Variants in HSF1 observed in about 807,000 individuals in gnomAD.
The protein encoded by HSF1 is heat shock factor protein 1.
Under a neutral mutation model 51.7 loss-of-function variants are expected in HSF1, and 32 were observed. That is an observed-to-expected ratio of 0.62 (90% confidence interval 0.47 to 0.83). The LOEUF is 0.83. Ranked by LOEUF, HSF1 falls within the 40% of genes least tolerant of loss-of-function variation. HSF1 has a pLI of 0.00. For missense variants in HSF1, 727 were observed against 717.0 expected (o/e 1.01, Z -0.16); for synonymous variants, 396 against 309.7 (o/e 1.28, Z -2.92).
chr8:144,292,546 G>C (rs1329835054), intron 1 of HSF1: 1 of 152,292 alleles, frequency 6.6e-6, no homozygotes, highest in Non-Finnish European at 1.5e-5. Context: ...CCGGTTTGCA[G>C]AAGTAAATCA....
chr8:144,312,574 TC>T (rs2130455021), intron 9 of HSF1: 1 of 1,446,378 alleles, frequency 6.9e-7, no homozygotes, highest in East Asian at 2.5e-5. Flanking sequence ...AGGGCCGGCC[TC>T]CACACCCCCA....
chr8:144,298,860 A>G (rs1296280190), intron 1 of HSF1, among the ~76,000 whole-genome samples: 1 of 152,254 alleles, frequency 6.6e-6, no homozygotes, highest in African/African-American at 2.4e-5. Flanking sequence ...TGGTGCACAC[A>G]GTGAAACCTC....
chr8:144,296,340 G>A (rs1815455462), intron 1 of HSF1, among the ~76,000 whole-genome samples: 1 of 152,230 alleles, frequency 6.6e-6, no homozygotes, highest in Non-Finnish European at 1.5e-5. Flanking sequence ...CCCTGGTTCT[G>A]AGAGCCGCCA....
intron 1 of HSF1, among the ~76,000 whole-genome samples, chr8:144,304,868 A>C (rs1554843017): frequency 6.9e-6 from 1 of 144,614 alleles, no homozygotes; most frequent in Non-Finnish European, 1.5e-5. Context: ...GGAACTCCTG[A>C]CCTCAAACGA....
chr8:144,306,873 T>A (rs1554843401), intron 1 of HSF1, among the ~76,000 whole-genome samples: 1 of 152,240 alleles, frequency 6.6e-6, no homozygotes, highest in African/African-American at 2.4e-5. Context: ...GCAGAAATGT[T>A]CTTGAATGCC....
rs1206813299 is a variant in HSF1, at chr8:144,311,588, C to T, written c.710C>T (p.Ser237Leu). ...TTCTCCCTGGAGCACGTCCACGGCT[C>T]GGGCCCCTACTCGGTGAGTGCCGGA... Reference protein sequence around the residue: ...RQFSLEHVHGSGPYSAPSPAY... With the variant: ...RQFSLEHVHGLGPYSAPSPAY... Residue 237 changes from serine to leucine, a missense_variant, in exon 7 of 13, where the codon TCG becomes TTG. This residue lies in a region of HSF1 where 257 missense variants were observed against 318.3 expected (regional missense o/e 0.81). Coordinates refer to ENST00000528838, the MANE Select transcript of HSF1 (RefSeq NM_005526.4). 8.7e-6 allele frequency: 14 copies of T among 1,613,508 alleles called. No individual in the cohort carries two copies. Among genetic ancestry groups the T allele is most frequent in the South Asian group, 1.1e-5 (1 of 91,080 alleles).
At chr8:144,312,948 G>A (rs1816788726) in intron 9 of HSF1, 3 of 578,186 alleles carry the variant, frequency 5.2e-6, no homozygotes, top group Non-Finnish European at 6.2e-6. Context: ...CACGGCCTCT[G>A]GTGTTGGCAG....
At chr8:144,309,694 C>T in intron 3 of HSF1, 78 bp from the exon 4 acceptor site, 1 of 1,593,160 alleles carries the variant, frequency 6.3e-7, no homozygotes, top group Non-Finnish European at 8.6e-7. Flanking sequence ...TCCTGAGGGA[C>T]CTGGCTGCAG....
rs1816787342 is a variant in HSF1, at chr8:144,312,924, C to A, written c.1143-587C>A. On this transcript the variant is annotated intron_variant, in intron 9 of 12. Transcript: ENST00000528838. ...CTGTGACAGGGATGACAGGGACAGG[C>A]CTCCCTGCTCTGGCACGGCCTCTGG... 6 of 591,862 alleles carry A rather than the reference C, an allele frequency of 1.0e-5. No homozygotes were observed. The South Asian group carries it at 1.2e-4, about 12-fold the overall frequency. The allele number at this position is 591,862 out of a possible 1,614,324, so 36.7% of individuals were successfully genotyped here. A position where few individuals can be genotyped will look rare whatever the true frequency, so the allele number is the denominator to read the frequency against.
rs1817103095 is a variant in HSF1 at position 144,314,603 on chromosome 8, T to C, written c.*273T>C. 3.8e-6 allele frequency: 2 copies of C among 524,016 alleles called. No individual in the cohort carries two copies. The highest frequency in any genetic ancestry group is 6.9e-6 in the Non-Finnish European group (2 of 290,528). The allele number at this position is 524,016 out of a possible 1,614,324, so 32.5% of individuals were successfully genotyped here. A position where few individuals can be genotyped will look rare whatever the true frequency, so the allele number is the denominator to read the frequency against. ...TGCAGGTTGTTCATAGTCAGAATTG[T>C]ATTTTGGATTTTTACACAACTGTCC... On this transcript the variant is annotated 3_prime_UTR_variant, in exon 13 of 13. Transcript: ENST00000528838.
At chr8:144,312,811 C>CG (rs1564624427) in intron 9 of HSF1, 4 of 1,096,820 alleles carry the variant, frequency 3.6e-6, no homozygotes, top group African/African-American at 1.6e-5. Context: ...GCATGAGCGT[C>CG]GGGCCTGGGC....
chr8:144,291,681 G>C lies in HSF1; in HGVS notation c.-77G>C. 2.8e-5 allele frequency: 24 copies of C among 843,594 alleles called. No individual in the cohort carries two copies. In the South Asian group the frequency reaches 3.4e-4, roughly 12 times the overall value. The allele number at this position is 843,594 out of a possible 1,614,324, so 52.3% of individuals were successfully genotyped here. A position where few individuals can be genotyped will look rare whatever the true frequency, so the allele number is the denominator to read the frequency against. On this transcript the variant is annotated 5_prime_UTR_variant, in exon 1 of 13. Coordinates refer to ENST00000528838, the MANE Select transcript of HSF1 (RefSeq NM_005526.4). This position sits in a 1 kb window ranked among gnomAD's most constrained non-coding sequence, Gnocchi z 4.1. ...GGGCGGCGGCGCGGCCCGGAAGGCT[G>C]GCGCGGCGACGGCGTTAGCCCGGCC...
chr8:144,296,926 G>GT (rs1815504855), intron 1 of HSF1, among the ~76,000 whole-genome samples: 1 of 111,592 alleles, frequency 9.0e-6, no homozygotes, highest in Admixed American at 1.1e-4. Context: ...GGATGGTGTG[G>GT]TGGGGGGGGT....
chr8:144,311,094 G>A (rs977893067), intron 4 of HSF1, 80 bp from the exon 5 acceptor site: 1 of 1,320,636 alleles, frequency 7.6e-7, no homozygotes, highest in East Asian at 2.5e-5. Context: ...CTGCATGGGG[G>A]ACAGGGAGGG....
At chr8:144,294,724 G>C (rs1554841001) in intron 1 of HSF1, among the ~76,000 whole-genome samples, 1 of 152,204 alleles carries the variant, frequency 6.6e-6, no homozygotes, top group African/African-American at 2.4e-5. Flanking sequence ...GGTGGGGACT[G>C]TGGCAGCTAC....
intron 1 of HSF1, among the ~76,000 whole-genome samples, chr8:144,296,679 T>C (rs1343237981): frequency 6.6e-6 from 1 of 151,788 alleles, no homozygotes; most frequent in African/African-American, 2.4e-5. Context: ...TGGTGGTGGG[T>C]GCCTGTAGTC....
Position 144,314,708 on chromosome 8 carries a change from A to G in HSF1, c.*378A>G, listed in dbSNP as rs1301414372. ...AAGACAGGCAGAGATCTATAAACAG[A>G]CAGGCTCTATGCTATGGCCTCCATG... is the stretch of plus-strand genomic sequence containing the variant. On this transcript the variant is annotated 3_prime_UTR_variant, in exon 13 of 13. Transcript: ENST00000528838. The G allele has an allele frequency of 1.6e-5, 4 of 254,058 alleles. No individual in the cohort carries two copies. Among genetic ancestry groups the G allele is most frequent in the Admixed American group, 4.8e-5 (1 of 20,964 alleles). The allele number at this position is 254,058 out of a possible 1,614,324, so 15.7% of individuals were successfully genotyped here. A position where few individuals can be genotyped will look rare whatever the true frequency, so the allele number is the denominator to read the frequency against.
chr8:144,310,287 G>C lies in HSF1; in HGVS notation c.488+391G>C, dbSNP rs550507876. On this transcript the variant is annotated intron_variant, in intron 4 of 12. Coordinates refer to ENST00000528838, the MANE Select transcript of HSF1 (RefSeq NM_005526.4). ...ACCTCAGGCCCTTCCTGGAACCGCT[G>C]TCCCACACTCGCCTGGGCCCATGGA... The C allele has an allele frequency of 5.2e-4, 95 of 183,874 alleles. 3 individuals carry two copies. In the Middle Eastern group the frequency reaches 7.1e-3, roughly 14 times the overall value. The allele number at this position is 183,874 out of a possible 1,614,324, so 11.4% of individuals were successfully genotyped here.
intron 1 of HSF1, among the ~76,000 whole-genome samples, chr8:144,301,153 T>G (rs1815836392): frequency 6.6e-6 from 1 of 152,156 alleles, no homozygotes; most frequent in Non-Finnish European, 1.5e-5. Context: ...ACACGGTGGC[T>G]CCTGCCCGAA....
Sources: allele counts gnomAD v4.1 joint callset (sites outside exome capture counted in the v4.1 genomes callset), GRCh38; gene constraint gnomAD v4.1.1; regional missense constraint gnomAD v4.1.1; non-coding constraint Gnocchi (gnomAD v3.1); transcripts MANE v1.5; gene names NCBI Gene and HGNC (gene_info 2026-07-23, HGNC 2026-07-21).